The following CACNA2D3 variants were observed in gnomAD, a reference collection of about 807,000 sequenced individuals.
CACNA2D3 encodes voltage-dependent calcium channel subunit alpha-2/delta-3.
CACNA2D3 carries 60 observed loss-of-function variants against 160.6 expected under a neutral mutation model. The ratio of observed to expected loss-of-function variants is 0.37; its 90% CI spans 0.30 to 0.46. CACNA2D3 has a LOEUF of 0.46. Ranked by LOEUF, CACNA2D3 falls within the 20% of genes least tolerant of loss-of-function variation. The pLI is 1.00. For synonymous variants in CACNA2D3, 558 were observed against 492.9 expected (o/e 1.13, Z -1.75); for missense variants, 1,205 against 1,365.0 (o/e 0.88, Z 1.85).
intron 4 of CACNA2D3, among the ~76,000 whole-genome samples, chr3:54,500,563 CTTTCT>C (rs1575491022): frequency 8.6e-6 from 1 of 116,164 alleles, no homozygotes; most frequent in Non-Finnish European, 1.7e-5. Flanking sequence ...CTTTCTCTCT[CTTTCT>C]TTTCTTTTCA....
chr3:54,713,232 T>A (rs537774293), intron 11 of CACNA2D3, among the ~76,000 whole-genome samples: 8 of 152,330 alleles, frequency 5.3e-5, no homozygotes, highest in Non-Finnish European at 1.2e-4. Flanking sequence ...CTAGAAGTGA[T>A]GATAGAAGGA....
chr3:54,186,527 T>C (rs1468442242), intron 2 of CACNA2D3, among the ~76,000 whole-genome samples: 2 of 152,156 alleles, frequency 1.3e-5, no homozygotes, highest in African/African-American at 2.4e-5. Context: ...TTTTTCTCCT[T>C]CTTTCTTTAC....
chr3:54,402,474 G>A (rs1699486697), intron 4 of CACNA2D3, among the ~76,000 whole-genome samples: 1 of 152,126 alleles, frequency 6.6e-6, no homozygotes, highest in Non-Finnish European at 1.5e-5. Context: ...AAAAAAAAGA[G>A]CAGGGCTGGC....
chr3:54,580,313 A>G (rs932472043), intron 8 of CACNA2D3, among the ~76,000 whole-genome samples: 1 of 152,004 alleles, frequency 6.6e-6, no homozygotes, highest in African/African-American at 2.4e-5. Context: ...GGCTCTCTCC[A>G]TGGGAAACCT....
chr3:54,895,768 G>A (rs1222435749), intron 25 of CACNA2D3, among the ~76,000 whole-genome samples: 1 of 152,192 alleles, frequency 6.6e-6, no homozygotes, highest in African/African-American at 2.4e-5. Context: ...CACCGCCTGA[G>A]TTGCACCGTA....
rs1559563681 is a variant in CACNA2D3 at position 54,736,075 on chromosome 3, ATATATATGTATGTG to A, written c.1168-16516_1168-16503del. ...TACATATGTATGTATATATATATAC[ATATATATGTATGTG>A]TATATATATACATATATATGTATAT... On this transcript the variant is annotated intron_variant, in intron 11 of 37. Transcript: ENST00000474759. 9.2e-3 allele frequency among the ~76,000 whole-genome samples: 208 copies of A among 22,536 alleles called. 4 individuals are homozygous for A. The highest frequency in any genetic ancestry group is 0.028 in the African/African-American group (195 of 6,938). 14.8% of individuals were successfully genotyped at this position (22,536 alleles called of 152,430 possible).
At chr3:54,594,564 A>G (rs187639171) in intron 9 of CACNA2D3, among the ~76,000 whole-genome samples, 163 of 152,286 alleles carry the variant, frequency 1.1e-3, no homozygotes, top group African/African-American at 3.8e-3. Flanking sequence ...GCAAATGAGG[A>G]TTTGGGGTGG....
intron 12 of CACNA2D3, 46 bp downstream of exon 12, chr3:54,752,723 T>C: frequency 7.5e-7 from 1 of 1,339,630 alleles, no homozygotes; most frequent in Non-Finnish European, 1.1e-6. Context: ...TCCACCTACT[T>C]GTGCAGAATT....
intron 27 of CACNA2D3, chr3:54,918,321 CTTTTTTTTTTCTTTTTTTTT>C (rs1443238159): frequency 1.5e-5 from 6 of 394,440 alleles, no homozygotes; most frequent in Admixed American, 4.2e-5. Flanking sequence ...ACAGACACAT[CTTTTTTTTTTCTTTTTTTTT>C]TTTTTTTTTT....
chr3:54,846,357 A>T (rs1463941049), intron 16 of CACNA2D3, 36 bp from the exon 17 acceptor site: 1 of 1,412,490 alleles, frequency 7.1e-7, no homozygotes, highest in Admixed American at 1.9e-5. Flanking sequence ...CCAGGGAGCA[A>T]GCTAATGAAG....
chr3:54,803,260 C>A (rs985714034), intron 13 of CACNA2D3, among the ~76,000 whole-genome samples: 2 of 152,110 alleles, frequency 1.3e-5, no homozygotes, highest in Non-Finnish European at 2.9e-5. Flanking sequence ...TCAAACTACT[C>A]CGAGCTACAG....
chr3:54,333,026 A>G (rs1704299272), intron 3 of CACNA2D3, among the ~76,000 whole-genome samples: 1 of 152,160 alleles, frequency 6.6e-6, no homozygotes, highest in African/African-American at 2.4e-5. Context: ...ACCAGAAGGA[A>G]CAGCACATGT....
chr3:54,288,552 A>C (rs1314828456), intron 2 of CACNA2D3, among the ~76,000 whole-genome samples: 1 of 152,164 alleles, frequency 6.6e-6, no homozygotes, highest in Non-Finnish European at 1.5e-5. Flanking sequence ...AAAAGAGGGA[A>C]TCCTCCCTAA....
At chr3:54,394,211 A>T (rs975456208) in intron 4 of CACNA2D3, among the ~76,000 whole-genome samples, 3 of 151,926 alleles carry the variant, frequency 2.0e-5, no homozygotes, top group African/African-American at 7.3e-5. Flanking sequence ...CAGAGTTACA[A>T]CTACAACCCA....
At chr3:54,294,131 C>A (rs1306763559) in intron 2 of CACNA2D3, among the ~76,000 whole-genome samples, 1 of 152,002 alleles carries the variant, frequency 6.6e-6, no homozygotes, top group Non-Finnish European at 1.5e-5. Context: ...CAAGGGAAAC[C>A]CTGATATTCG....
chr3:54,423,994 G>A (rs1699876379), intron 4 of CACNA2D3, among the ~76,000 whole-genome samples: 1 of 151,904 alleles, frequency 6.6e-6, no homozygotes, highest in African/African-American at 2.4e-5. Context: ...TGTGGTCAAG[G>A]GAGCACAGCT....
chr3:54,755,455 A>G (rs1575459366), intron 12 of CACNA2D3, among the ~76,000 whole-genome samples: 1 of 152,192 alleles, frequency 6.6e-6, no homozygotes, highest in East Asian at 1.9e-4. Context: ...GCAAGGCTCA[A>G]TTTCCTCATC....
intron 3 of CACNA2D3, among the ~76,000 whole-genome samples, chr3:54,358,032 G>C (rs1396828048): frequency 1.3e-5 from 2 of 152,210 alleles, no homozygotes; most frequent in Non-Finnish European, 2.9e-5. Context: ...CCAAGAGTTA[G>C]CCCTAATGTA....
At chr3:54,244,951 G>A (rs1263251659) in intron 2 of CACNA2D3, among the ~76,000 whole-genome samples, 4 of 152,172 alleles carry the variant, frequency 2.6e-5, no homozygotes, top group Non-Finnish European at 4.4e-5. Flanking sequence ...CTTTTATGCG[G>A]AAGCCAGAAC....
Sources: gnomAD v4.1 joint callset for allele counts (sites outside exome capture counted in the v4.1 genomes callset) on GRCh38, gnomAD v4.1.1 for gene constraint, MANE v1.5 for transcripts, NCBI Gene and HGNC (gene_info 2026-07-23, HGNC 2026-07-21) for gene names.